CERS6: variants seen among roughly 807,000 people sequenced by gnomAD.
CERS6 encodes LAG1 homolog, ceramide synthase 6.
In CERS6, 26 loss-of-function variants were observed where a neutral mutation model predicts 56.8. The observed-to-expected ratio is 0.46, with a 90% confidence interval of 0.34 to 0.63. The LOEUF is 0.63. Among genes scored for constraint, CERS6 ranks in the 30% least tolerant of loss-of-function variants. The probability of loss-of-function intolerance (pLI) is 0.01; values close to 1 mark genes in which losing one functional copy is unlikely to be tolerated. For synonymous variants in CERS6, 164 were observed against 173.3 expected, an observed-to-expected ratio of 0.95 and a Z score of 0.42; for missense variants, 415 against 467.5, an observed-to-expected ratio of 0.89 and a Z score of 1.04.
In CERS6 at chr2:168,748,003, G is replaced by A. The variant is rs183575423; in HGVS notation, c.846-17589G>A. On this transcript the variant is annotated intron_variant, in intron 8 of 9. Transcript: ENST00000305747. Reference sequence around the variant, plus strand: ...TTGTTCATGTTTTCATAAGCCAGTTGTATTTCTTCTGATTCTTTGCCCACT... The same window carrying A: ...TTGTTCATGTTTTCATAAGCCAGTTATATTTCTTCTGATTCTTTGCCCACT... 3.9e-5 allele frequency among the ~76,000 whole-genome samples: 6 copies of A among 152,300 alleles called. No individual in the cohort carries two copies. The East Asian group carries it at 9.6e-4, about 24-fold the overall frequency.
intron 1 of CERS6, among the ~76,000 whole-genome samples, chr2:168,482,404 G>A (rs1424979330): frequency 2.0e-5 from 3 of 152,344 alleles, no homozygotes; most frequent in East Asian, 1.9e-4. Context: ...AGCCATAGAA[G>A]CTAAAGTAAC....
At chr2:168,760,357 C>T (rs1025543499) in intron 8 of CERS6, among the ~76,000 whole-genome samples, 1 of 152,094 alleles carries the variant, frequency 6.6e-6, no homozygotes, top group Non-Finnish European at 1.5e-5. Flanking sequence ...CTAGGCCAGT[C>T]TCGCGTTTCC....
chr2:168,687,980 AG>A (rs1394452368), intron 4 of CERS6, among the ~76,000 whole-genome samples: 1 of 152,180 alleles, frequency 6.6e-6, no homozygotes, highest in African/African-American at 2.4e-5. Flanking sequence ...TTGGAATTGC[AG>A]GTGTGAGCCA....
intron 3 of CERS6, among the ~76,000 whole-genome samples, chr2:168,569,658 C>T (rs570438103): frequency 6.6e-6 from 1 of 152,318 alleles, no homozygotes; most frequent in Admixed American, 6.5e-5. Flanking sequence ...CCGTGTTAGG[C>T]TCACATTAGA....
At chr2:168,486,528 T>G (rs955513377) in intron 1 of CERS6, among the ~76,000 whole-genome samples, 1 of 151,356 alleles carries the variant, frequency 6.6e-6, no homozygotes, top group African/African-American at 2.4e-5. Flanking sequence ...GGTTTTGTTT[T>G]TTTTTTTTTT....
intron 1 of CERS6, among the ~76,000 whole-genome samples, chr2:168,482,262 T>C (rs1331423545): frequency 2.0e-5 from 3 of 152,210 alleles, no homozygotes; most frequent in Non-Finnish European, 4.4e-5. Flanking sequence ...TAATTTCCCA[T>C]TTACTAGCTG....
rs1287449170 is a variant in CERS6, at chr2:168,465,721, G to A, written c.170+9103G>A. On this transcript the variant is annotated intron_variant, in intron 1 of 9. Coordinates refer to ENST00000305747, the MANE Select transcript of CERS6 (RefSeq NM_203463.3). ...CAGGTAGTGGAGTGATGACTGCAAGGTGCTGGAGGTTGGTGCAGAGTTTCA... is the reference window on the plus strand; with the variant it reads ...CAGGTAGTGGAGTGATGACTGCAAGATGCTGGAGGTTGGTGCAGAGTTTCA... Among the ~76,000 whole-genome samples the A allele has an allele frequency of 3.9e-5, 6 of 152,150 alleles. No individual in the cohort carries two copies. In the East Asian group the frequency reaches 1.2e-3, roughly 29 times the overall value.
At chr2:168,574,416 C>G (rs200686522) in intron 3 of CERS6, among the ~76,000 whole-genome samples, 2,532 of 137,204 alleles carry the variant, frequency 0.018, 98 homozygotes, top group East Asian at 0.18. Flanking sequence ...GTGTGTGTGT[C>G]AAGCATTTAC....
intron 3 of CERS6, among the ~76,000 whole-genome samples, chr2:168,572,833 T>C (rs1559003590): frequency 6.6e-6 from 1 of 152,164 alleles, no homozygotes; most frequent in Admixed American, 6.5e-5. Context: ...GTCTTATTTA[T>C]CTTTTCATCC....
intron 6 of CERS6, among the ~76,000 whole-genome samples, chr2:168,698,057 C>T (rs529862085): frequency 3.3e-5 from 5 of 151,918 alleles, no homozygotes; most frequent in South Asian, 2.1e-4. Flanking sequence ...ATTAGGAGGC[C>T]GAGGTGGGTG....
intron 4 of CERS6, among the ~76,000 whole-genome samples, chr2:168,645,183 A>AGAGG (rs1685165491): frequency 3.5e-5 from 4 of 115,366 alleles, no homozygotes; most frequent in African/African-American, 1.5e-4. Context: ...AGAGAGAGAG[A>AGAGG]GAGAGAGTAA....
chr2:168,570,531 T>G (rs1007560043), intron 3 of CERS6, among the ~76,000 whole-genome samples: 3 of 152,162 alleles, frequency 2.0e-5, no homozygotes, highest in Non-Finnish European at 1.5e-5. Flanking sequence ...TCTGTGGTGC[T>G]GGCTTTAGTA....
intron 3 of CERS6, among the ~76,000 whole-genome samples, chr2:168,593,757 G>A (rs911217304): frequency 6.6e-6 from 1 of 152,106 alleles, no homozygotes; most frequent in Non-Finnish European, 1.5e-5. Context: ...TTTCCTTTTA[G>A]AACCTAATAA....
intron 1 of CERS6, among the ~76,000 whole-genome samples, chr2:168,504,661 GC>G (rs35631999): frequency 0.061 from 9,255 of 152,110 alleles, 495 homozygotes; most frequent in East Asian, 0.18. Context: ...GTAGTGGGGT[GC>G]TGAGGTATAA....
At chr2:168,595,887 A>G (rs74819137) in intron 3 of CERS6, among the ~76,000 whole-genome samples, 3,227 of 152,248 alleles carry the variant, frequency 0.021, 42 homozygotes, top group Non-Finnish European at 0.033. Flanking sequence ...CAATGTAAGT[A>G]GACTTAAGCG....
At chr2:168,718,115 GC>G in intron 8 of CERS6, 137 bp downstream of exon 8, 1 of 610,440 alleles carries the variant, frequency 1.6e-6, no homozygotes, top group Non-Finnish European at 2.9e-6. Flanking sequence ...TCAAGAAGCT[GC>G]TTGATTTCTT....
At chr2:168,613,587 C>T (rs971349427) in intron 3 of CERS6, among the ~76,000 whole-genome samples, 6 of 152,152 alleles carry the variant, frequency 3.9e-5, no homozygotes, top group African/African-American at 7.2e-5. Flanking sequence ...GAGAACTTAA[C>T]GGTCTGATTG....
chr2:168,703,972 G>A (rs1686869444), intron 6 of CERS6, among the ~76,000 whole-genome samples: 1 of 152,190 alleles, frequency 6.6e-6, no homozygotes, highest in Non-Finnish European at 1.5e-5. Flanking sequence ...AGCATTGCAA[G>A]CCAGTACCAT....
chr2:168,711,720 C>T (rs71430643), intron 6 of CERS6, among the ~76,000 whole-genome samples: 7,723 of 126,114 alleles, frequency 0.061, 272 homozygotes, highest in Non-Finnish European at 0.089. Flanking sequence ...AGTGACAGAG[C>T]GAGACTGTCT....
Sources: gnomAD v4.1 joint callset for allele counts (sites outside exome capture counted in the v4.1 genomes callset) on GRCh38, gnomAD v4.1.1 for gene constraint, MANE v1.5 for transcripts, NCBI Gene and HGNC (gene_info 2026-07-23, HGNC 2026-07-21) for gene names.